The following EPS8L3 variants were observed in gnomAD, a reference collection of about 807,000 sequenced individuals.
EPS8L3 encodes epidermal growth factor receptor kinase substrate 8-like protein 3.
A neutral mutation model predicts 88.5 loss-of-function variants in EPS8L3; 80 were observed. The ratio of observed to expected loss-of-function variants is 0.90; its 90% CI spans 0.75 to 1.09. The LOEUF (loss-of-function observed/expected upper bound fraction) is 1.09, where lower values mean the gene tolerates loss of function less well. Ranked by LOEUF, EPS8L3 falls within the 50% of genes least tolerant of loss-of-function variation. EPS8L3 has a pLI of 0.00. For synonymous variants in EPS8L3, 286 were observed against 291.0 expected (o/e 0.98, Z 0.18); for missense variants, 721 against 735.2 (o/e 0.98, Z 0.22).
intron 3 of EPS8L3, among the ~76,000 whole-genome samples, chr1:109,760,429 T>C (rs938066140): frequency 1.6e-4 from 24 of 152,044 alleles, no homozygotes; most frequent in African/African-American, 5.3e-4. Flanking sequence ...CAGCCAAACA[T>C]TACCTTCACA....
intron 12 of EPS8L3, among the ~76,000 whole-genome samples, chr1:109,754,267 A>T (rs1650085981): frequency 1.3e-5 from 2 of 152,204 alleles, no homozygotes; most frequent in South Asian, 2.1e-4. Context: ...AAGCTAGTCC[A>T]TTTAAAATCC....
At chr1:109,761,801 C>T (rs1417870104) in intron 1 of EPS8L3, 28 bp from the exon 2 acceptor site, 1 of 1,605,956 alleles carries the variant, frequency 6.2e-7, no homozygotes, top group Admixed American at 1.7e-5. Flanking sequence ...CCAGAGGCAG[C>T]CATCAGAGCT....
intron 6 of EPS8L3, 115 bp from the exon 7 acceptor site, chr1:109,758,778 C>A: frequency 7.5e-7 from 1 of 1,333,856 alleles, no homozygotes; most frequent in East Asian, 2.4e-5. Flanking sequence ...GGAGTCCCAC[C>A]CCCTGCTCCC....
rs1426747757 is a variant in EPS8L3, at chr1:109,758,733, G to T, written c.462-70C>A. On this transcript the variant is annotated intron_variant, in intron 6 of 18. Coordinates refer to ENST00000361965, the MANE Select transcript of EPS8L3 (RefSeq NM_133181.4). ...GGAGAGAGGCCCTCCCCACAATTCT[G>T]CTCCAGGACCCAGGGGCACCACCAC... is the stretch of plus-strand genomic sequence containing the variant. The T allele has an allele frequency of 2.0e-6, 3 of 1,504,290 alleles. No homozygotes were observed. In the East Asian group the frequency reaches 6.9e-5, roughly 34 times the overall value. The allele number at this position is 1,504,290 out of a possible 1,614,324, so 93.2% of individuals were successfully genotyped here.
intron 3 of EPS8L3, among the ~76,000 whole-genome samples, chr1:109,760,717 C>T (rs1650827647): frequency 6.6e-6 from 1 of 150,534 alleles, no homozygotes; most frequent in Admixed American, 6.6e-5. Context: ...CCCTGTGGGA[C>T]CTGCTGCCCT....
intron 9 of EPS8L3, 23 bp downstream of exon 9, chr1:109,757,921 C>A: frequency 6.2e-7 from 1 of 1,613,750 alleles, no homozygotes; most frequent in Non-Finnish European, 8.5e-7. Flanking sequence ...CCCTACTCCT[C>A]TTCCCTGGCC....
intron 12 of EPS8L3, among the ~76,000 whole-genome samples, chr1:109,755,563 G>C (rs1650205737): frequency 6.6e-6 from 1 of 152,188 alleles, no homozygotes; most frequent in South Asian, 2.1e-4. Flanking sequence ...TCAGCACTTT[G>C]GGAAGCCGAG....
chr1:109,763,550 T>C (rs114391424), intron 1 of EPS8L3, among the ~76,000 whole-genome samples: 2,222 of 152,204 alleles, frequency 0.015, 54 homozygotes, highest in African/African-American at 0.051. Flanking sequence ...CTTTAAGCCC[T>C]AGATGTAGGG....
At position 109,757,842 on chromosome 1, in the gene EPS8L3, A is replaced by G. The variant is rs760225779; in HGVS notation, c.854T>C (p.Ile285Thr). The G allele has an allele frequency of 4.7e-5, 76 of 1,614,054 alleles. No individual in the cohort carries two copies. Among genetic ancestry groups the G allele is most frequent in the Non-Finnish European group, 6.4e-5 (75 of 1,180,026 alleles). ...GTGCTTGATCTTCTGGAAGCAGTCA[A>G]TGTACTGTGCCTGGGTGAGACCTGG... ...DQGGLTQAQY[I>T]DCFQKIKHSF... is the part of the protein sequence containing the mutation. Residue 285 changes from isoleucine (I) to threonine (T), a missense_variant, in exon 10 of 19, where the codon ATT (isoleucine) becomes ACT (threonine). Transcript: ENST00000361965.
In EPS8L3 at chr1:109,759,960, TC is replaced by T; in HGVS notation, c.97-125del. On this transcript the variant is annotated intron_variant, in intron 3 of 18. Coordinates refer to ENST00000361965, the MANE Select transcript of EPS8L3 (RefSeq NM_133181.4). The surrounding 1 kb of genome is among the most constrained non-coding windows in gnomAD (Gnocchi z 4.2). Reference sequence around the variant, plus strand: ...CCTCGGCCCCCTTGAGGTAGGAGGTTCCAGGCTTCAGATAAAGCAACTTTCC... The same window carrying T: ...CCTCGGCCCCCTTGAGGTAGGAGGTTCAGGCTTCAGATAAAGCAACTTTCC... 1.9e-6 allele frequency: 2 copies of T among 1,076,008 alleles called. No individual in the cohort carries two copies. Among genetic ancestry groups the T allele is most frequent in the African/African-American group, 1.6e-5 (1 of 63,416 alleles). The allele number at this position is 1,076,008 out of a possible 1,614,324, so 66.7% of individuals were successfully genotyped here.
At chr1:109,762,642 G>A (rs538441816) in intron 1 of EPS8L3, among the ~76,000 whole-genome samples, 32 of 152,256 alleles carry the variant, frequency 2.1e-4, no homozygotes, top group East Asian at 7.7e-4. Flanking sequence ...TTGGCGCCAC[G>A]TGCCTAGCAC....
At position 109,753,736 on chromosome 1, in the gene EPS8L3, G is replaced by T. The variant is rs1302076684; in HGVS notation, c.1119-538C>A. ...CCCCTCGCCCATTACACAGGGCCCA[G>T]GAGGACCATGCTGTTTGTGGCCTTC... On this transcript the variant is annotated intron_variant, in intron 12 of 18. Coordinates refer to ENST00000361965, the MANE Select transcript of EPS8L3 (RefSeq NM_133181.4). 2.6e-5 allele frequency among the ~76,000 whole-genome samples: 4 copies of T among 152,172 alleles called. No individual in the cohort carries two copies. The East Asian group carries it at 7.7e-4, about 29-fold the overall frequency.
At position 109,761,557 on chromosome 1, in the gene EPS8L3, G is replaced by A. The variant is rs199652500; in HGVS notation, c.34C>T (p.His12Tyr). 5.0e-6 allele frequency: 8 copies of A among 1,613,800 alleles called. No individual in the cohort carries two copies. In the East Asian group the frequency reaches 6.7e-5, roughly 13 times the overall value. The stretch of plus-strand genomic sequence containing the variant: ...AGGTTCTGGGAGTACTCCTTCCGGT[G>A]CACTACAAGGGCACAGAGCAAGGGG... Reference protein sequence around the residue: ...SRPSSRAIYLHRKEYSQNLTS... With the variant: ...SRPSSRAIYLYRKEYSQNLTS... The change falls in exon 3 of 19, where the codon CAC becomes TAC. Residue 12 changes from histidine (H) to tyrosine (Y), a missense_variant and splice_region_variant. By Grantham distance (83) the His-to-Tyr change is moderately conservative. Transcript: ENST00000361965.
Position 109,750,777 on chromosome 1 carries a change from A to G in EPS8L3, c.1653T>C (p.Leu551=). The change falls in exon 18 of 19, where the codon CTT becomes CTC. Residue 551 remains leucine (L), a synonymous_variant. Transcript: ENST00000361965. ...ENFSTATVRT[L]GSLTGSQLLR... Reference sequence around the variant, plus strand: ...GTAGCTGGCTCCCCGTCAGGGACCCAAGTGTCCTCACCGTGCTGTGAACAA... The same window carrying G: ...GTAGCTGGCTCCCCGTCAGGGACCCGAGTGTCCTCACCGTGCTGTGAACAA... 6.2e-7 allele frequency: 1 copy of G among 1,614,172 alleles called. No homozygotes were observed. The highest frequency in any genetic ancestry group is 8.5e-7 in the Non-Finnish European group (1 of 1,180,014).
rs766295460 is a variant in EPS8L3, at chr1:109,758,318, C to T, written c.715G>A (p.Glu239Lys). The T allele has an allele frequency of 1.3e-4, 202 of 1,613,026 alleles. 7 individuals are homozygous for T. In the South Asian group the frequency reaches 1.5e-3, roughly 12 times the overall value. Reference sequence around the variant, plus strand: ...AACTCAAGACCATCCGCAGTTACCTCGTCCCTCTCTGGGTCCTCGGGGGAA... The same window carrying T: ...AACTCAAGACCATCCGCAGTTACCTTGTCCCTCTCTGGGTCCTCGGGGGAA... ...SSSPEDPERD[E>K]EVLNHVLRDI... The change falls in exon 8 of 19, where the codon GAG becomes AAG. Residue 239 changes from glutamate to lysine, a missense_variant and splice_region_variant. Coordinates refer to ENST00000361965, the MANE Select transcript of EPS8L3 (RefSeq NM_133181.4).
intron 14 of EPS8L3, 132 bp downstream of exon 14, chr1:109,752,554 C>T (rs971513869): frequency 2.4e-6 from 2 of 817,908 alleles, no homozygotes; most frequent in Non-Finnish European, 4.0e-6. Flanking sequence ...AGAGGGATGT[C>T]CTTGTACATG....
At chr1:109,763,363 G>A (rs1231993656) in intron 1 of EPS8L3, among the ~76,000 whole-genome samples, 1 of 151,858 alleles carries the variant, frequency 6.6e-6, no homozygotes, top group Non-Finnish European at 1.5e-5. Flanking sequence ...CCCCTGGTCA[G>A]CCCCACTCCC....
At chr1:109,758,979 G>T (rs1470639049) in intron 6 of EPS8L3, 83 bp downstream of exon 6, 4 of 1,421,096 alleles carry the variant, frequency 2.8e-6, no homozygotes, top group African/African-American at 2.8e-5. Context: ...AACCTCCTGG[G>T]TGCCCCAAGA....
At chr1:109,757,249 C>T in intron 11 of EPS8L3, 84 bp from the exon 12 acceptor site, 1 of 1,442,916 alleles carries the variant, frequency 6.9e-7, no homozygotes. Flanking sequence ...TCCCTGGCTT[C>T]CCACTTTTGC....
Sources: gnomAD v4.1 joint callset for allele counts (sites outside exome capture counted in the v4.1 genomes callset) on GRCh38, gnomAD v4.1.1 for gene constraint, Gnocchi (gnomAD v3.1) non-coding constraint, MANE v1.5 for transcripts, NCBI Gene and HGNC (gene_info 2026-07-23, HGNC 2026-07-21) for gene names.